IPMK: variants seen among roughly 807,000 people sequenced by gnomAD.
IPMK encodes the protein inositol polyphosphate multikinase, also known as inositol 1,3,4,6-tetrakisphosphate 5-kinase.
IPMK carries 17 observed loss-of-function variants against 45.8 expected under a neutral mutation model. The ratio of observed to expected loss-of-function variants is 0.37; its 90% CI spans 0.25 to 0.56. The LOEUF (loss-of-function observed/expected upper bound fraction) is 0.56, where lower values mean the gene tolerates loss of function less well. Ranked by LOEUF, IPMK falls within the 20% of genes least tolerant of loss-of-function variation. IPMK has a pLI of 0.79. For synonymous variants in IPMK, 180 were observed against 184.3 expected (o/e 0.98, Z 0.19); for missense variants, 399 against 498.0 (o/e 0.80, Z 1.89).
At chr10:58,265,430 T>C (rs1839134535) in intron 1 of IPMK, among the ~76,000 whole-genome samples, 1 of 152,194 alleles carries the variant, frequency 6.6e-6, no homozygotes, top group Admixed American at 6.5e-5. Context: ...ACATGACTTA[T>C]GACAGTGGAG....
rs1395178346 is a variant in IPMK at position 58,193,164 on chromosome 10, T to C, written c.*2912A>G. 3 of 152,122 alleles carry C rather than the reference T, an allele frequency of 2.0e-5. No homozygotes were observed. Among genetic ancestry groups the C allele is most frequent in the African/African-American group, 4.8e-5 (2 of 41,580 alleles). 9.4% of individuals were successfully genotyped at this position (152,122 alleles called of 1,614,324 possible). ...AACAAAAAATTGCAACTGAAGTATC[T>C]GTGGAAATTCCTTTTTCTTAAATGA... is the stretch of plus-strand genomic sequence containing the variant. On this transcript the variant is annotated 3_prime_UTR_variant, in exon 6 of 6. Transcript: ENST00000373935.
At chr10:58,237,567 G>T (rs1317460099) in intron 2 of IPMK, among the ~76,000 whole-genome samples, 162 bp downstream of exon 2, 1 of 152,214 alleles carries the variant, frequency 6.6e-6, no homozygotes, top group East Asian at 1.9e-4. Context: ...ATACTAGACT[G>T]CATCACATAC....
In IPMK at chr10:58,191,800, G is replaced by A. The variant is rs1837822377; in HGVS notation, c.*4276C>T. ...AATAAATTTAGCATTGCTGCTTATA[G>A]TCACTAATAACACAATTTTAGGTGC... On this transcript the variant is annotated 3_prime_UTR_variant, in exon 6 of 6. Coordinates refer to ENST00000373935, the MANE Select transcript of IPMK (RefSeq NM_152230.5). 1 of 152,024 alleles carries A rather than the reference G, an allele frequency of 6.6e-6. No individual in the cohort carries two copies. The highest frequency in any genetic ancestry group is 1.5e-5 in the Non-Finnish European group (1 of 67,946). The allele number at this position is 152,024 out of a possible 1,614,324, so 9.4% of individuals were successfully genotyped here.
intron 3 of IPMK, 106 bp downstream of exon 3, chr10:58,226,937 G>T: frequency 1.6e-6 from 1 of 637,492 alleles, no homozygotes. Flanking sequence ...TATATATTTT[G>T]TGTTTTTATA....
chr10:58,225,739 C>G (rs1838403997), intron 3 of IPMK, among the ~76,000 whole-genome samples: 1 of 152,066 alleles, frequency 6.6e-6, no homozygotes, highest in Non-Finnish European at 1.5e-5. Context: ...AAACAGCAAT[C>G]AGTAGCAAAG....
chr10:58,227,927 G>A (rs543046989), intron 2 of IPMK, among the ~76,000 whole-genome samples: 8 of 152,142 alleles, frequency 5.3e-5, no homozygotes, highest in South Asian at 2.1e-4. Context: ...AAATGCTTAC[G>A]AAAACTTAGT....
chr10:58,230,715 G>T (rs935884699), intron 2 of IPMK, among the ~76,000 whole-genome samples: 1 of 152,160 alleles, frequency 6.6e-6, no homozygotes. Context: ...CACAAAGATG[G>T]GAAGAAACTA....
At chr10:58,240,536 T>C (rs1237080912) in intron 1 of IPMK, among the ~76,000 whole-genome samples, 1 of 151,668 alleles carries the variant, frequency 6.6e-6, no homozygotes, top group Admixed American at 6.6e-5. Context: ...GAAGAAGCAT[T>C]GCTCCCACCT....
chr10:58,210,906 T>C (rs557705693), intron 4 of IPMK, among the ~76,000 whole-genome samples: 3 of 152,326 alleles, frequency 2.0e-5, no homozygotes, highest in East Asian at 3.9e-4. Flanking sequence ...ATAGTTCACA[T>C]TGTGAATCTC....
At chr10:58,225,092 A>G (rs2132157999) in intron 3 of IPMK, among the ~76,000 whole-genome samples, 1 of 152,316 alleles carries the variant, frequency 6.6e-6, no homozygotes, top group Non-Finnish European at 1.5e-5. Flanking sequence ...CTCTGTTATC[A>G]TATACACTTT....
At chr10:58,249,019 A>G (rs2132173130) in intron 1 of IPMK, among the ~76,000 whole-genome samples, 2 of 152,340 alleles carry the variant, frequency 1.3e-5, no homozygotes, top group South Asian at 4.1e-4. Context: ...TCTCTTCAAC[A>G]TACTGATTTC....
intron 4 of IPMK, among the ~76,000 whole-genome samples, chr10:58,207,796 G>GAA (rs1838092608): frequency 6.6e-6 from 1 of 152,060 alleles, no homozygotes; most frequent in African/African-American, 2.4e-5. Flanking sequence ...TCTTGTAATT[G>GAA]ATGTCTAGAT....
chr10:58,226,656 G>A (rs1838420764), intron 3 of IPMK, among the ~76,000 whole-genome samples: 1 of 152,310 alleles, frequency 6.6e-6, no homozygotes, highest in Middle Eastern at 3.4e-3. Context: ...GCCTGGAGGT[G>A]AGGGATGAAG....
chr10:58,201,165 T>C (rs897179484), intron 4 of IPMK, among the ~76,000 whole-genome samples: 13 of 152,170 alleles, frequency 8.5e-5, no homozygotes, highest in African/African-American at 3.1e-4. Flanking sequence ...AGAGAAAAAA[T>C]AAGTATAATA....
At chr10:58,243,662 A>G (rs1481953161) in intron 1 of IPMK, among the ~76,000 whole-genome samples, 1 of 152,134 alleles carries the variant, frequency 6.6e-6, no homozygotes, top group East Asian at 1.9e-4. Flanking sequence ...AGTCTCGCTC[A>G]CTCAATGCTC....
chr10:58,210,793 TCA>T (rs1439078488), intron 4 of IPMK, among the ~76,000 whole-genome samples: 5 of 152,208 alleles, frequency 3.3e-5, no homozygotes, highest in African/African-American at 7.2e-5. Flanking sequence ...CTTTGGGAAT[TCA>T]CAGTTTTTCA....
chr10:58,220,757 C>A (rs1223681280), intron 3 of IPMK, among the ~76,000 whole-genome samples: 2 of 152,196 alleles, frequency 1.3e-5, no homozygotes, highest in African/African-American at 4.8e-5. Flanking sequence ...AACCTGCCTT[C>A]ATAGAGCTGC....
At chr10:58,215,573 G>A (rs925308770) in intron 4 of IPMK, among the ~76,000 whole-genome samples, 1 of 151,628 alleles carries the variant, frequency 6.6e-6, no homozygotes, top group Non-Finnish European at 1.5e-5. Flanking sequence ...CTCTCACCCA[G>A]CTGGTTTTTG....
In IPMK at chr10:58,202,819, G is replaced by C. The variant is rs554072644; in HGVS notation, c.547-3498C>G. 2.0e-5 allele frequency among the ~76,000 whole-genome samples: 3 copies of C among 152,250 alleles called. No individual in the cohort carries two copies. In the East Asian group the frequency reaches 5.8e-4, roughly 29 times the overall value. The stretch of plus-strand genomic sequence containing the variant: ...TCCTTCCAAAATATTACTGCTCATT[G>C]ACAGTGCACCTGGTCACCTAACAAG... On this transcript the variant is annotated intron_variant, in intron 4 of 5. Transcript: ENST00000373935.
Sources: allele counts gnomAD v4.1 joint callset (sites outside exome capture counted in the v4.1 genomes callset), GRCh38; gene constraint gnomAD v4.1.1; transcripts MANE v1.5; gene names NCBI Gene and HGNC (gene_info 2026-07-23, HGNC 2026-07-21).